PI4KA: variants seen among roughly 807,000 people sequenced by gnomAD.
The protein encoded by PI4KA is phosphatidylinositol 4-kinase alpha, also known as PI4-kinase alpha.
PI4KA carries 122 observed loss-of-function variants against 271.4 expected under a neutral mutation model. The ratio of observed to expected loss-of-function variants is 0.45; its 90% CI spans 0.39 to 0.52. The LOEUF (loss-of-function observed/expected upper bound fraction) is 0.52, where lower values mean the gene tolerates loss of function less well. Ranked by LOEUF, PI4KA falls within the 20% of genes least tolerant of loss-of-function variation. PI4KA has a pLI of 0.00. For synonymous variants in PI4KA, 1,041 were observed against 1,078.8 expected, an observed-to-expected ratio of 0.96 and a Z score of 0.69; for missense variants, 1,969 against 2,769.1, an observed-to-expected ratio of 0.71 and a Z score of 6.48.
At chr22:20,787,353 C>T (rs1392035067) in intron 19 of PI4KA, 19 of 452,706 alleles carry the variant, frequency 4.2e-5, no homozygotes, top group Admixed American at 2.8e-4. Context: ...ACCTGAGCAG[C>T]GCGTCCTAAG....
intron 42 of PI4KA, chr22:20,721,869 G>A (rs1312275422): frequency 6.1e-6 from 1 of 164,300 alleles, no homozygotes; most frequent in Non-Finnish European, 1.3e-5. Flanking sequence ...TAGGTTTTGT[G>A]TCCCCACCCA....
chr22:20,840,743 G>A (rs1925443922), intron 1 of PI4KA, among the ~76,000 whole-genome samples: 2 of 152,220 alleles, frequency 1.3e-5, no homozygotes, highest in African/African-American at 4.8e-5. Flanking sequence ...CAGGCCAGGT[G>A]CAAGGCTCAT....
chr22:20,759,054 T>C (rs2147365800), intron 23 of PI4KA, among the ~76,000 whole-genome samples: 1 of 152,324 alleles, frequency 6.6e-6, no homozygotes, highest in Admixed American at 6.5e-5. Context: ...TTTTTTTGTT[T>C]GTTTGTTTTT....
chr22:20,857,206 A>G (rs1927705801), intron 1 of PI4KA, among the ~76,000 whole-genome samples: 1 of 152,252 alleles, frequency 6.6e-6, no homozygotes, highest in East Asian at 1.9e-4. Flanking sequence ...TGACCTGTCT[A>G]GAGTCACACT....
intron 50 of PI4KA, 193 bp downstream of exon 50, chr22:20,712,293 G>C (rs1985015947): frequency 1.2e-6 from 1 of 841,386 alleles, no homozygotes; most frequent in Admixed American, 6.2e-5. Flanking sequence ...TTGACCTCGT[G>C]ATCTGCCCGC....
chr22:20,827,189 T>C (rs1416954944), intron 3 of PI4KA, among the ~76,000 whole-genome samples: 3 of 152,236 alleles, frequency 2.0e-5, no homozygotes, highest in Non-Finnish European at 2.9e-5. Flanking sequence ...GTTTAAGGTT[T>C]TACATCTAGA....
rs376201796 is a variant in PI4KA at position 20,726,485 on chromosome 22, T to C, written c.4995+3A>G. 3.2e-4 allele frequency: 502 copies of C among 1,559,560 alleles called. No homozygotes were observed. The highest frequency in any genetic ancestry group is 4.0e-4 in the Non-Finnish European group (464 of 1,159,754). On this transcript the variant is annotated splice_donor_region_variant and intron_variant, in intron 42 of 54. Transcript: ENST00000255882. ...GAGGACGGCCATGCAGGTGCAGGCT[T>C]ACCTTGTCGTACCTGAGGGCCTGCA... is the stretch of plus-strand genomic sequence containing the variant.
At chr22:20,784,240 A>G (rs1934027651) in intron 19 of PI4KA, 2 of 1,614,134 alleles carry the variant, frequency 1.2e-6, no homozygotes, top group East Asian at 4.5e-5. Context: ...AAAGCATGAC[A>G]AACAGGTATT....
chr22:20,765,518 G>C lies in PI4KA; in HGVS notation c.2437+67C>G, dbSNP rs541354783. 9 of 1,041,264 alleles carry C rather than the reference G, an allele frequency of 8.6e-6. No individual in the cohort carries two copies. The South Asian group carries it at 1.0e-4, about 12-fold the overall frequency. 64.5% of individuals were successfully genotyped at this position (1,041,264 alleles called of 1,614,324 possible). On this transcript the variant is annotated intron_variant, in intron 20 of 54. Transcript: ENST00000255882. ...ACATGCTCACATTCATAATTACGTGGGCTCTGACCTCACCTTTACCTTCAC... is the reference window on the plus strand; with the variant it reads ...ACATGCTCACATTCATAATTACGTGCGCTCTGACCTCACCTTTACCTTCAC...
chr22:20,721,257 G>T, intron 43 of PI4KA, 41 bp downstream of exon 43: 2 of 1,611,006 alleles, frequency 1.2e-6, no homozygotes, highest in Non-Finnish European at 1.7e-6. Flanking sequence ...GCAGTGCACT[G>T]AAGACAGTAA....
At position 20,723,771 on chromosome 22, in the gene PI4KA, C is replaced by T. The variant is rs528704453; in HGVS notation, c.4996-2353G>A. Reference sequence around the variant, plus strand: ...ACTTGAACCTGGGAGGTGGAGGTTGCAGTGAGCCGTGATCGTGCCACTGCA... The same window carrying T: ...ACTTGAACCTGGGAGGTGGAGGTTGTAGTGAGCCGTGATCGTGCCACTGCA... On this transcript the variant is annotated intron_variant, in intron 42 of 54. Coordinates refer to ENST00000255882, the MANE Select transcript of PI4KA (RefSeq NM_058004.4). Among the ~76,000 whole-genome samples the T allele has an allele frequency of 8.5e-4, 129 of 151,652 alleles. 1 individual carries two copies. The highest frequency in any genetic ancestry group is 1.4e-3 in the Non-Finnish European group (96 of 67,886).
chr22:20,799,787 T>C (rs1310394817), intron 14 of PI4KA, 21 bp from the exon 15 acceptor site: 15 of 1,473,190 alleles, frequency 1.0e-5, no homozygotes, highest in African/African-American at 1.4e-5. Context: ...AGAAAACCCA[T>C]GTGGCACTGA....
At chr22:20,771,143 C>T (rs902559107) in intron 19 of PI4KA, among the ~76,000 whole-genome samples, 4 of 152,148 alleles carry the variant, frequency 2.6e-5, no homozygotes, top group Admixed American at 1.3e-4. Context: ...TAAAGCCATA[C>T]ACAAGCTGTG....
intron 23 of PI4KA, among the ~76,000 whole-genome samples, chr22:20,759,094 G>T (rs902661093): frequency 1.9e-4 from 29 of 152,288 alleles, no homozygotes; most frequent in Non-Finnish European, 4.0e-4. Flanking sequence ...CCGTCACCTA[G>T]GCTGGAGTGC....
chr22:20,749,465 C>T (rs1419506294), intron 28 of PI4KA, among the ~76,000 whole-genome samples: 1 of 152,280 alleles, frequency 6.6e-6, no homozygotes, highest in East Asian at 1.9e-4. Context: ...CCTACATGTG[C>T]AGCTTATGTG....
Position 20,769,912 on chromosome 22 carries a change from G to A in PI4KA, c.2329-4219C>T, listed in dbSNP as rs145958751. 2.4e-3 allele frequency among the ~76,000 whole-genome samples: 360 copies of A among 152,308 alleles called. 3 individuals are homozygous for A. Among genetic ancestry groups the A allele is most frequent in the African/African-American group, 8.4e-3 (348 of 41,560 alleles). On this transcript the variant is annotated intron_variant, in intron 19 of 54. Transcript: ENST00000255882. ...AGCACAGGGCAGAGACCCGTCCATG[G>A]AAGAAACACTGGTGCTAGTGCCCAG...
Position 20,733,848 on chromosome 22 carries a change from G to C in PI4KA, c.4053-5C>G. 1 of 1,612,108 alleles carries C rather than the reference G, an allele frequency of 6.2e-7. No individual in the cohort carries two copies. The highest frequency in any genetic ancestry group is 8.5e-7 in the Non-Finnish European group (1 of 1,179,856). ...GACAGCCCCAGGGTCAGCAGCCTGT[G>C]AGGGAGCCCCGGACCCAGTTAGAGC... is the stretch of plus-strand genomic sequence containing the variant. On this transcript the variant is annotated splice_polypyrimidine_tract_variant and splice_region_variant and intron_variant, in intron 34 of 54. Coordinates refer to ENST00000255882, the MANE Select transcript of PI4KA (RefSeq NM_058004.4).
chr22:20,757,820 A>T (rs556229227), intron 23 of PI4KA, among the ~76,000 whole-genome samples: 1 of 152,292 alleles, frequency 6.6e-6, no homozygotes, highest in East Asian at 1.9e-4. Context: ...CTGGGATTAC[A>T]GGCGTGAGCT....
intron 32 of PI4KA, among the ~76,000 whole-genome samples, chr22:20,735,845 T>C (rs980955000): frequency 9.2e-5 from 14 of 152,132 alleles, no homozygotes; most frequent in African/African-American, 2.9e-4. Context: ...ATTAGTCTTA[T>C]GGAAGCAGAC....
Sources: allele counts gnomAD v4.1 joint callset (sites outside exome capture counted in the v4.1 genomes callset), GRCh38; gene constraint gnomAD v4.1.1; transcripts MANE v1.5; gene names NCBI Gene and HGNC (gene_info 2026-07-23, HGNC 2026-07-21).